C2orf42: variants seen among roughly 807,000 people sequenced by gnomAD.
The protein encoded by C2orf42 is uncharacterized protein C2orf42.
Under a neutral mutation model 58.9 loss-of-function variants are expected in C2orf42, and 44 were observed. That is an observed-to-expected ratio of 0.75 (90% CI 0.59 to 0.96). C2orf42 has a LOEUF of 0.96. C2orf42 is among the 40% of genes least tolerant of loss of function. The probability of loss-of-function intolerance (pLI) is 0.00; values close to 1 mark genes in which losing one functional copy is unlikely to be tolerated. For missense variants in C2orf42, 630 were observed against 699.2 expected (o/e 0.90, Z 1.12); for synonymous variants, 239 against 265.4 (o/e 0.90, Z 0.97).
At chr2:70,169,196 CTTTAAG>C (rs1452197667) in intron 6 of C2orf42, among the ~76,000 whole-genome samples, 2 of 151,626 alleles carry the variant, frequency 1.3e-5, no homozygotes, top group Non-Finnish European at 2.9e-5. Flanking sequence ...TTTCCCCTTG[CTTTAAG>C]TTTGAGAGTT....
Position 70,150,421 on chromosome 2 carries a change from C to G in C2orf42, c.1660G>C (p.Asp554His). 1 of 1,614,160 alleles carries G rather than the reference C, an allele frequency of 6.2e-7. No homozygotes were observed. The highest frequency in any genetic ancestry group is 8.5e-7 in the Non-Finnish European group (1 of 1,180,038). Residue 554 changes from aspartate (D) to histidine (H), a missense_variant, in exon 10 of 10, where the codon GAC becomes CAC. By Grantham distance (81) the Asp-to-His change is moderately conservative (BLOSUM62 -1). Transcript: ENST00000264434. ...GGCTGGTCCAAGGGGGGCCGCTGGT[C>G]TTGGTACTCCGCCACATGCCCATTC... ...HRNGHVAEYQDQRPPLDQPLE... is the reference protein window; with the variant it reads ...HRNGHVAEYQHQRPPLDQPLE...
At chr2:70,172,507 G>A (rs1673895055) in intron 5 of C2orf42, among the ~76,000 whole-genome samples, 1 of 151,746 alleles carries the variant, frequency 6.6e-6, no homozygotes, top group African/African-American at 2.4e-5. Flanking sequence ...ACGAAACTCC[G>A]TCTCTACTAA....
chr2:70,189,184 A>T (rs1675152597), intron 1 of C2orf42, among the ~76,000 whole-genome samples: 2 of 147,186 alleles, frequency 1.4e-5, no homozygotes, highest in Non-Finnish European at 3.0e-5. Flanking sequence ...AGGCAGGCGG[A>T]TCACCTGAGG....
intron 4 of C2orf42, among the ~76,000 whole-genome samples, chr2:70,178,989 G>A (rs1674374218): frequency 6.6e-6 from 1 of 151,472 alleles, no homozygotes; most frequent in South Asian, 2.1e-4. Context: ...TCCATATACT[G>A]AAAATGAAGA....
intron 5 of C2orf42, among the ~76,000 whole-genome samples, chr2:70,170,779 G>A (rs1673756680): frequency 6.7e-6 from 1 of 150,348 alleles, no homozygotes; most frequent in South Asian, 2.1e-4. Flanking sequence ...AATACGAAAT[G>A]AGAAGCAACA....
At chr2:70,166,503 T>TAAA (rs758706026) in intron 6 of C2orf42, among the ~76,000 whole-genome samples, 4 of 93,104 alleles carry the variant, frequency 4.3e-5, no homozygotes, top group South Asian at 6.9e-4. Context: ...CCATCTCTAC[T>TAAA]AAAAAAAAAA....
intron 1 of C2orf42, among the ~76,000 whole-genome samples, chr2:70,184,204 T>TA (rs1422357676): frequency 1.0e-5 from 1 of 96,998 alleles, no homozygotes; most frequent in Non-Finnish European, 1.8e-5. Flanking sequence ...TCCAATTTGT[T>TA]AATCAGTGGA....
intron 9 of C2orf42, among the ~76,000 whole-genome samples, chr2:70,157,323 G>A (rs917646714): frequency 6.6e-6 from 1 of 151,818 alleles, no homozygotes. Context: ...GCGAGGTGGC[G>A]GGCCTCTGTA....
chr2:70,165,529 TGTG>T lies in C2orf42; in HGVS notation c.1248_1250del (p.Thr417del). ...CTATACCAAAGGGAAATCCTGTACC[TGTG>T]GTGGAGTTGGGGAGCCGTTTTTTTG... On this transcript the variant is annotated inframe_deletion and splice_region_variant, in exon 7 of 10. Coordinates refer to ENST00000264434, the MANE Select transcript of C2orf42 (RefSeq NM_017880.3). The T allele has an allele frequency of 6.6e-7, 1 of 1,521,312 alleles. No homozygotes were observed. Among genetic ancestry groups the T allele is most frequent in the Non-Finnish European group, 9.1e-7 (1 of 1,095,442 alleles). The allele number at this position is 1,521,312 out of a possible 1,614,324, so 94.2% of individuals were successfully genotyped here.
chr2:70,166,305 G>A (rs535402037), intron 6 of C2orf42, among the ~76,000 whole-genome samples: 15 of 149,418 alleles, frequency 1.0e-4, no homozygotes, highest in African/African-American at 3.4e-4. Flanking sequence ...AGTAAGCCAT[G>A]ATCACGCCAC....
At chr2:70,184,857 G>A (rs1225820349) in intron 1 of C2orf42, among the ~76,000 whole-genome samples, 2 of 151,770 alleles carry the variant, frequency 1.3e-5, no homozygotes, top group East Asian at 2.0e-4. Context: ...TTGGGAGGCC[G>A]AGGTGGGTGG....
chr2:70,154,296 C>T (rs775672850), intron 9 of C2orf42, among the ~76,000 whole-genome samples: 1 of 151,488 alleles, frequency 6.6e-6, no homozygotes, highest in Non-Finnish European at 1.5e-5. Context: ...GGCACAGTGG[C>T]TCATGCCTGT....
At position 70,179,656 on chromosome 2, in the gene C2orf42, G is replaced by A. The variant is rs1285519231; in HGVS notation, c.824-14C>T. The A allele has an allele frequency of 1.9e-6, 2 of 1,076,890 alleles. No homozygotes were observed. The highest frequency in any genetic ancestry group is 2.9e-6 in the Non-Finnish European group (2 of 699,672). 66.7% of individuals were successfully genotyped at this position (1,076,890 alleles called of 1,614,324 possible). ...TCTCTTTAAGACCTAAAAAAAAGAA[G>A]ATTTCTGAATTATTAATCCTATCCA... On this transcript the variant is annotated splice_polypyrimidine_tract_variant and intron_variant, in intron 3 of 9. Transcript: ENST00000264434.
intron 1 of C2orf42, among the ~76,000 whole-genome samples, chr2:70,184,906 C>G (rs1194576734): frequency 6.6e-6 from 1 of 150,840 alleles, no homozygotes; most frequent in Non-Finnish European, 1.5e-5. Context: ...CTGGCTAACA[C>G]AGTGAAACCC....
intron 5 of C2orf42, among the ~76,000 whole-genome samples, chr2:70,174,371 C>A (rs1674046422): frequency 6.6e-6 from 1 of 152,102 alleles, no homozygotes; most frequent in South Asian, 2.1e-4. Flanking sequence ...TGTACATTCA[C>A]ACGCAGTTGT....
At chr2:70,155,269 A>T (rs1180405351) in intron 9 of C2orf42, among the ~76,000 whole-genome samples, 4 of 152,008 alleles carry the variant, frequency 2.6e-5, no homozygotes, top group Non-Finnish European at 4.4e-5. Flanking sequence ...AAGAAGGTAA[A>T]AAGAAGGTAA....
intron 1 of C2orf42, among the ~76,000 whole-genome samples, chr2:70,184,263 G>A (rs890595430): frequency 6.6e-6 from 1 of 151,520 alleles, no homozygotes; most frequent in Non-Finnish European, 1.5e-5. Flanking sequence ...GTCTTGCTCT[G>A]TCACCCAGGA....
chr2:70,188,383 T>A (rs1284857254), intron 1 of C2orf42, among the ~76,000 whole-genome samples: 2 of 151,830 alleles, frequency 1.3e-5, no homozygotes, highest in African/African-American at 2.4e-5. Context: ...TGAGACGGGG[T>A]TTCTCCATGT....
intron 6 of C2orf42, among the ~76,000 whole-genome samples, chr2:70,169,117 G>A (rs1378988226): frequency 6.6e-6 from 1 of 152,022 alleles, no homozygotes; most frequent in Non-Finnish European, 1.5e-5. Context: ...AGGCTGGAGT[G>A]CAATGGCACT....
Sources: gnomAD v4.1 joint callset for allele counts (sites outside exome capture counted in the v4.1 genomes callset) on GRCh38, gnomAD v4.1.1 for gene constraint, MANE v1.5 for transcripts, NCBI Gene and HGNC (gene_info 2026-07-23, HGNC 2026-07-21) for gene names.